The following CCDC3 variants were observed in gnomAD, a reference collection of about 807,000 sequenced individuals.
CCDC3 encodes coiled-coil domain-containing protein 3.
CCDC3 carries 24 observed loss-of-function variants against 21.4 expected under a neutral mutation model. That is an observed-to-expected ratio of 1.12 (90% CI 0.81 to 1.58). The LOEUF is 1.58. Among genes scored for constraint, CCDC3 ranks in the 40% most tolerant of loss-of-function variants. CCDC3 has a pLI of 0.00. For missense variants in CCDC3, 425 were observed against 360.9 expected (o/e 1.18, Z -1.44); for synonymous variants, 186 against 166.0 (o/e 1.12, Z -0.93).
intron 3 of CCDC3, among the ~76,000 whole-genome samples, chr10:13,096,802 G>GTCCT (rs1225177354): frequency 6.6e-6 from 1 of 152,152 alleles, no homozygotes; most frequent in Middle Eastern, 3.2e-3. Context: ...TGAGGCTTGA[G>GTCCT]TCCTTGATGC....
chr10:13,005,047 CA>C (rs1304314596), upstream of CCDC3, among the ~76,000 whole-genome samples: 9 of 152,180 alleles, frequency 5.9e-5, no homozygotes. Flanking sequence ...AACCATCAAC[CA>C]AACCACTAGC....
chr10:12,998,661 ATTTC>A, intron 1 of CCDC3, 149 bp from the exon 2 acceptor site: 1 of 687,244 alleles, frequency 1.5e-6, no homozygotes, highest in South Asian at 2.0e-5. Flanking sequence ...ACTTCTAATT[ATTTC>A]TTTGTCTCAC....
At chr10:12,962,326 C>T (rs889060656) in intron 2 of CCDC3, among the ~76,000 whole-genome samples, 5 of 152,168 alleles carry the variant, frequency 3.3e-5, no homozygotes, top group African/African-American at 7.2e-5. Flanking sequence ...GGCTTTTGGC[C>T]GGGCACAGTG....
At chr10:12,952,116 C>T (rs1394828953) in intron 2 of CCDC3, among the ~76,000 whole-genome samples, 1 of 152,174 alleles carries the variant, frequency 6.6e-6, no homozygotes, top group African/African-American at 2.4e-5. Flanking sequence ...ACTGATCGTG[C>T]CCAAATCAGG....
rs891828400 is a variant in CCDC3 at position 12,928,608 on chromosome 10, G to A, written c.550-29929C>T. ...CCTTCTTCTGGGACTCCTGTTAGAC[G>A]TGTATATTTAATACCATTGGCTAAG... On this transcript the variant is annotated intron_variant, in intron 2 of 2. Transcript: ENST00000378825. Among the ~76,000 whole-genome samples, 7 of 152,268 alleles carry A rather than the reference G, an allele frequency of 4.6e-5. No homozygotes were observed. In the East Asian group the frequency reaches 1.4e-3, roughly 29 times the overall value.
At chr10:12,956,408 G>C (rs1363166472) in intron 2 of CCDC3, among the ~76,000 whole-genome samples, 1 of 152,090 alleles carries the variant, frequency 6.6e-6, no homozygotes, top group East Asian at 1.9e-4. Flanking sequence ...GTCCCTGTCA[G>C]CACAGAGACC....
intron 2 of CCDC3, among the ~76,000 whole-genome samples, chr10:12,975,450 C>G (rs926068857): frequency 6.6e-6 from 1 of 152,170 alleles, no homozygotes; most frequent in Non-Finnish European, 1.5e-5. Context: ...TTTCGGCAGC[C>G]TCTTAAGAGG....
chr10:12,899,783 G>A (rs1324832967), intron 2 of CCDC3, among the ~76,000 whole-genome samples: 4 of 152,228 alleles, frequency 2.6e-5, no homozygotes, highest in South Asian at 2.1e-4. Context: ...GCATATGCAA[G>A]AAACGGGTAA....
At chr10:12,951,827 A>AAAAAAAAAAT (rs59869850) in intron 2 of CCDC3, among the ~76,000 whole-genome samples, 2 of 150,666 alleles carry the variant, frequency 1.3e-5, no homozygotes, top group Non-Finnish European at 3.0e-5. Context: ...AAAAAAAAAA[A>AAAAAAAAAAT]GTTGTTCTTT....
chr10:13,005,401 G>C (rs561114716), upstream of CCDC3, among the ~76,000 whole-genome samples: 567 of 152,254 alleles, frequency 3.7e-3, 4 homozygotes, highest in African/African-American at 0.013. Flanking sequence ...CCAGTCTCTT[G>C]GATACCATTT....
At chr10:12,983,748 A>G (rs1835543104) in intron 2 of CCDC3, among the ~76,000 whole-genome samples, 1 of 151,972 alleles carries the variant, frequency 6.6e-6, no homozygotes, top group South Asian at 2.1e-4. Context: ...AGATGAAAAG[A>G]TGATTGACAT....
chr10:12,932,552 G>A (rs745708490), intron 2 of CCDC3, among the ~76,000 whole-genome samples: 1 of 152,162 alleles, frequency 6.6e-6, no homozygotes, highest in Non-Finnish European at 1.5e-5. Flanking sequence ...TTGCTTATTA[G>A]TGCCAGGAGT....
intron 3 of CCDC3, among the ~76,000 whole-genome samples, chr10:13,075,886 T>C (rs896370373): frequency 1.3e-5 from 2 of 151,892 alleles, no homozygotes; most frequent in African/African-American, 4.8e-5. Flanking sequence ...CTGTCTCTAC[T>C]AAAAAAATAA....
At chr10:12,948,015 G>A (rs1321982280) in intron 2 of CCDC3, among the ~76,000 whole-genome samples, 5 of 152,162 alleles carry the variant, frequency 3.3e-5, no homozygotes, top group Non-Finnish European at 5.9e-5. Flanking sequence ...GCTCTTGGTC[G>A]GTGATACAGT....
intron 4 of CCDC3, among the ~76,000 whole-genome samples, chr10:13,056,601 C>A (rs1836684311): frequency 6.6e-6 from 1 of 152,266 alleles, no homozygotes; most frequent in African/African-American, 2.4e-5. Flanking sequence ...AATGCATTTC[C>A]CCCAACTTTC....
intron 4 of CCDC3, among the ~76,000 whole-genome samples, chr10:13,056,102 T>G (rs563313679): frequency 1.3e-4 from 20 of 152,198 alleles, no homozygotes; most frequent in Non-Finnish European, 2.5e-4. Flanking sequence ...TTTCAATGGC[T>G]TCACACATTA....
At chr10:12,973,313 G>A (rs373736570) in intron 2 of CCDC3, among the ~76,000 whole-genome samples, 12 of 152,106 alleles carry the variant, frequency 7.9e-5, no homozygotes, top group South Asian at 2.1e-4. Context: ...TCCTGGGCCC[G>A]AGGACAGCGG....
intron 4 of CCDC3, among the ~76,000 whole-genome samples, chr10:13,072,770 A>T (rs1836899454): frequency 6.6e-6 from 1 of 151,928 alleles, no homozygotes; most frequent in Admixed American, 6.5e-5. Context: ...TGTGACATGA[A>T]CCCAGTTTTA....
intron 5 of CCDC3, among the ~76,000 whole-genome samples, chr10:13,020,466 T>C (rs1836130576): frequency 6.6e-6 from 1 of 152,186 alleles, no homozygotes; most frequent in Non-Finnish European, 1.5e-5. Flanking sequence ...TAAACATCGT[T>C]ATAAGGGAAT....
Sources: gnomAD v4.1 joint callset for allele counts (sites outside exome capture counted in the v4.1 genomes callset) on GRCh38, gnomAD v4.1.1 for gene constraint, MANE v1.5 for transcripts, NCBI Gene and HGNC (gene_info 2026-07-23, HGNC 2026-07-21) for gene names.